Variants in ZNF41 observed in about 807,000 individuals in gnomAD.
ZNF41 encodes the protein zinc finger protein 41.
ZNF41 carries 6 observed loss-of-function variants against 9.3 expected under a neutral mutation model. That is an observed-to-expected ratio of 0.65 (90% CI 0.35 to 1.28). The LOEUF is 1.28. Ranked by LOEUF, ZNF41 falls within the 50% of genes most tolerant of loss-of-function variation. The pLI, the probability that ZNF41 is intolerant of heterozygous loss-of-function variation, is 0.03. For missense variants in ZNF41, 523 were observed against 585.8 expected (o/e 0.89, Z 1.11); for synonymous variants, 192 against 207.1 (o/e 0.93, Z 0.63).
At chrX:47,469,326 A>G (rs2057104278) in intron 1 of ZNF41, among the ~76,000 whole-genome samples, 1 of 102,081 alleles carries the variant, frequency 9.8e-6, no homozygotes, top group Non-Finnish European at 2.0e-5. Flanking sequence ...AAAAAAAAAA[A>G]AAAAAAAAAA....
At chrX:47,470,411 CAAAA>C (rs58574926) in intron 1 of ZNF41, among the ~76,000 whole-genome samples, 3 of 37,675 alleles carry the variant, frequency 8.0e-5, no homozygotes, top group Non-Finnish European at 1.4e-4. Context: ...GACTCCGTCT[CAAAA>C]AAAAAAAAAA....
chrX:47,456,493 T>C (rs1380932895), intron 2 of ZNF41, 95 bp from the exon 3 acceptor site: 21 of 1,144,229 alleles, frequency 1.8e-5, no homozygotes, highest in Non-Finnish European at 2.5e-5. Flanking sequence ...TTTACCATAA[T>C]GTATCATGTA....
At chrX:47,449,991 A>G (rs2056298730) in intron 4 of ZNF41, among the ~76,000 whole-genome samples, 1 of 111,399 alleles carries the variant, frequency 9.0e-6, no homozygotes, top group Non-Finnish European at 1.9e-5. Flanking sequence ...CAGCTCCACC[A>G]CTTTACTAAG....
At chrX:47,467,834 G>T in intron 1 of ZNF41, 74 bp from the exon 2 acceptor site, 1 of 258,153 alleles carries the variant, frequency 3.9e-6, no homozygotes, top group Non-Finnish European at 6.9e-6. Context: ...CACAAGATCT[G>T]GTGTAAAATG....
At chrX:47,449,752 G>A (rs963191337) in intron 4 of ZNF41, among the ~76,000 whole-genome samples, 4 of 111,894 alleles carry the variant, frequency 3.6e-5, no homozygotes, top group Admixed American at 9.5e-5. Flanking sequence ...AGGTAGCTAC[G>A]ATTATCATTT....
At chrX:47,451,083 T>C (rs1165408890) in intron 4 of ZNF41, among the ~76,000 whole-genome samples, 3 of 112,319 alleles carry the variant, frequency 2.7e-5, no homozygotes, top group African/African-American at 9.7e-5. Flanking sequence ...CACTGTACCA[T>C]TCATATTGAT....
chrX:47,479,457 C>T (rs2057417009), intron 1 of ZNF41, among the ~76,000 whole-genome samples: 1 of 111,552 alleles, frequency 9.0e-6, no homozygotes, highest in Non-Finnish European at 1.9e-5. Context: ...CTAACTAGTG[C>T]AACAGAAGAT....
chrX:47,468,013 T>C (rs1490339197), intron 1 of ZNF41, among the ~76,000 whole-genome samples: 1 of 111,892 alleles, frequency 8.9e-6, no homozygotes, highest in Non-Finnish European at 1.9e-5. Context: ...TGGAACATGC[T>C]CAACTCATAT....
At position 47,449,109 on chromosome X, in the gene ZNF41, C is replaced by T; in HGVS notation, c.661G>A (p.Gly221Ser). ...TKNLGKIFGN[G>S]NNFPHSPSST... ...GAAGGGCTATGGGGGAAATTGTTACCATTTCCAAAAATCTTGCCAAGGTTC... is the reference window on the plus strand; with the variant it reads ...GAAGGGCTATGGGGGAAATTGTTACTATTTCCAAAAATCTTGCCAAGGTTC... The change falls in exon 5 of 5, where the codon GGT (glycine) becomes AGT (serine). Residue 221 changes from glycine (G) to serine (S), a missense_variant. Coordinates refer to ENST00000684689, the MANE Select transcript of ZNF41 (RefSeq NM_001324144.2). The T allele has an allele frequency of 8.3e-7, 1 of 1,211,367 alleles. No homozygotes were observed. The highest frequency in any genetic ancestry group is 1.1e-6 in the Non-Finnish European group (1 of 895,453).
chrX:47,468,598 T>C (rs1164401978), intron 1 of ZNF41, among the ~76,000 whole-genome samples: 1 of 110,912 alleles, frequency 9.0e-6, no homozygotes, highest in Admixed American at 9.7e-5. Flanking sequence ...ACACCATCAA[T>C]AGGATCAATG....
intron 1 of ZNF41, among the ~76,000 whole-genome samples, chrX:47,475,399 TA>T (rs1319728457): frequency 1.8e-5 from 2 of 111,395 alleles, no homozygotes; most frequent in East Asian, 2.8e-4. Context: ...TTTGCCATTT[TA>T]AAAAAGGCAT....
intron 1 of ZNF41, among the ~76,000 whole-genome samples, chrX:47,479,943 A>T (rs1167933272): frequency 9.0e-6 from 1 of 110,668 alleles, no homozygotes; most frequent in Non-Finnish European, 1.9e-5. Flanking sequence ...AAAAATACAA[A>T]AATTAGCTGG....
At chrX:47,451,393 C>A (rs2056358478) in intron 4 of ZNF41, among the ~76,000 whole-genome samples, 1 of 112,292 alleles carries the variant, frequency 8.9e-6, no homozygotes, top group Non-Finnish European at 1.9e-5. Flanking sequence ...TCCTTGCCTG[C>A]TCAACAAAAA....
rs1049472105 is a variant in ZNF41 at position 47,446,159 on chromosome X, G to T, written c.*1271C>A. The T allele has an allele frequency of 2.7e-5, 3 of 111,604 alleles. No individual in the cohort carries two copies. Among genetic ancestry groups the T allele is most frequent in the Admixed American group, 1.9e-4 (2 of 10,420 alleles). The allele number at this position is 111,604 out of a possible 1,213,427, so 9.2% of individuals were successfully genotyped here. ...TTTAAAATAAAATAAAAATACAATTGCATGCTAGAAAGAAAGTTCCTTTTT... is the reference window on the plus strand; with the variant it reads ...TTTAAAATAAAATAAAAATACAATTTCATGCTAGAAAGAAAGTTCCTTTTT... On this transcript the variant is annotated 3_prime_UTR_variant, in exon 5 of 5. Transcript: ENST00000684689.
intron 2 of ZNF41, among the ~76,000 whole-genome samples, chrX:47,463,188 T>C (rs917825701): frequency 9.0e-6 from 1 of 110,728 alleles, no homozygotes; most frequent in Non-Finnish European, 1.9e-5. Context: ...GGACCACACT[T>C]TGAGTAGTAC....
intron 2 of ZNF41, among the ~76,000 whole-genome samples, chrX:47,461,821 G>A (rs979461799): frequency 1.4e-4 from 15 of 110,849 alleles, no homozygotes; most frequent in East Asian, 2.8e-4. Context: ...GATCCTTCCC[G>A]CCTCAGCCTC....
intron 2 of ZNF41, among the ~76,000 whole-genome samples, chrX:47,463,244 G>A (rs756917108): frequency 2.7e-5 from 3 of 111,230 alleles, no homozygotes; most frequent in South Asian, 7.5e-4. Context: ...GCACTATTGC[G>A]TGTTCTATGC....
intron 1 of ZNF41, among the ~76,000 whole-genome samples, chrX:47,479,862 C>T (rs961275526): frequency 9.0e-6 from 1 of 111,202 alleles, no homozygotes; most frequent in Admixed American, 9.6e-5. Flanking sequence ...TTTGGGAGGC[C>T]GAGGCACGCA....
At chrX:47,469,671 A>C (rs1487285014) in intron 1 of ZNF41, among the ~76,000 whole-genome samples, 3 of 111,914 alleles carry the variant, frequency 2.7e-5, no homozygotes, top group African/African-American at 9.7e-5. Context: ...CGAAGTCAGG[A>C]GATCAAGACC....
Sources: allele counts gnomAD v4.1 joint callset (sites outside exome capture counted in the v4.1 genomes callset), GRCh38; gene constraint gnomAD v4.1.1; transcripts MANE v1.5; gene names NCBI Gene and HGNC (gene_info 2026-07-23, HGNC 2026-07-21).